Variants in CCDC73 observed in about 807,000 individuals in gnomAD.
CCDC73 encodes coiled-coil domain containing 73, also known as coiled-coil domain-containing protein 73.
In CCDC73, 95 loss-of-function variants were observed where a neutral mutation model predicts 116.5. That is an observed-to-expected ratio of 0.82 (90% CI 0.69 to 0.97). The LOEUF (loss-of-function observed/expected upper bound fraction) is 0.97. CCDC73 is among the 50% of genes least tolerant of loss of function. The pLI is 0.00. For synonymous variants in CCDC73, 398 were observed against 401.3 expected (o/e 0.99, Z 0.10); for missense variants, 1,066 against 1,206.8 (o/e 0.88, Z 1.73).
intron 16 of CCDC73, 42 bp from the exon 17 acceptor site, chr11:32,611,307 T>C (rs758550036): frequency 3.1e-5 from 49 of 1,574,096 alleles, no homozygotes; most frequent in Non-Finnish European, 3.8e-5. Context: ...AATTTTTCTC[T>C]AGGTACTCAT....
chr11:32,790,951 A>G (rs1850669324), intron 1 of CCDC73, among the ~76,000 whole-genome samples: 1 of 152,240 alleles, frequency 6.6e-6, no homozygotes, highest in Admixed American at 6.5e-5. Context: ...ACAACTTTTA[A>G]CTAAACTAAA....
chr11:32,733,405 T>C (rs1850097496), intron 2 of CCDC73, among the ~76,000 whole-genome samples: 2 of 152,190 alleles, frequency 1.3e-5, no homozygotes, highest in Admixed American at 6.5e-5. Flanking sequence ...AACTCAGCTC[T>C]GCACCAAGTG....
intron 9 of CCDC73, among the ~76,000 whole-genome samples, chr11:32,669,267 C>T (rs180786390): frequency 1.1e-4 from 17 of 152,010 alleles, no homozygotes; most frequent in Admixed American, 1.0e-3. Context: ...TTTTCTAGTA[C>T]AGAGTTTAAC....
intron 2 of CCDC73, among the ~76,000 whole-genome samples, chr11:32,719,614 G>A (rs11031949): frequency 0.1 from 15,408 of 152,108 alleles, 1,048 homozygotes; most frequent in Non-Finnish European, 0.15. Context: ...CCCATTATAT[G>A]GGGGAAAAAA....
chr11:32,765,950 CA>C (rs1329692414), intron 1 of CCDC73, among the ~76,000 whole-genome samples: 32 of 152,334 alleles, frequency 2.1e-4, no homozygotes, highest in Admixed American at 2.0e-3. Context: ...CTCCCTAACT[CA>C]TTTTATGAGG....
the CCDC73 span, among the ~76,000 whole-genome samples, chr11:32,809,137 A>T: frequency 8.6e-4 from 131 of 152,362 alleles, no homozygotes; most frequent in African/African-American, 2.9e-3. Flanking sequence ...AATGTAATGC[A>T]AAACTTAAAC....
rs376374238 is a variant in CCDC73 at position 32,711,240 on chromosome 11, TA to T, written c.207+6835del. Among the ~76,000 whole-genome samples the T allele has an allele frequency of 7.1e-3, 1,084 of 152,152 alleles. 17 individuals carry two copies. Among genetic ancestry groups the T allele is most frequent in the African/African-American group, 0.025 (1,045 of 41,500 alleles). ...AATGGAAAATAGTGTGGAGATTCCTTAAAAAACTAAAAGTAGATCTACCATT... is the reference window on the plus strand; with the variant it reads ...AATGGAAAATAGTGTGGAGATTCCTTAAAAACTAAAAGTAGATCTACCATT... On this transcript the variant is annotated intron_variant, in intron 3 of 17. Coordinates refer to ENST00000335185, the MANE Select transcript of CCDC73 (RefSeq NM_001008391.4).
intron 2 of CCDC73, among the ~76,000 whole-genome samples, chr11:32,718,940 T>C (rs539421490): frequency 6.6e-6 from 1 of 152,306 alleles, no homozygotes; most frequent in Non-Finnish European, 1.5e-5. Flanking sequence ...AGACTCAGGT[T>C]CACCTAAGAC....
chr11:32,653,247 T>C lies in CCDC73; in HGVS notation c.835-20A>G, dbSNP rs747826388. 3 of 1,495,954 alleles carry C rather than the reference T, an allele frequency of 2.0e-6. No individual in the cohort carries two copies. Among genetic ancestry groups the C allele is most frequent in the Admixed American group, 1.8e-5 (1 of 56,742 alleles). 92.7% of individuals were successfully genotyped at this position (1,495,954 alleles called of 1,614,324 possible). A position where few individuals can be genotyped will look rare whatever the true frequency, so the allele number is the denominator to read the frequency against. On this transcript the variant is annotated intron_variant, in intron 11 of 17. Transcript: ENST00000335185. ...GATATCCTTTGAAAATACACAAATA[T>C]ATCAATTTAAAAGTTTTAAGATAGG...
chr11:32,670,889 A>G (rs1425755970), intron 9 of CCDC73, among the ~76,000 whole-genome samples: 1 of 152,202 alleles, frequency 6.6e-6, no homozygotes, highest in Non-Finnish European at 1.5e-5. Context: ...GACTGACAAA[A>G]GTAAAAACTA....
At chr11:32,701,944 T>A (rs563582002) in intron 4 of CCDC73, among the ~76,000 whole-genome samples, 61 of 152,314 alleles carry the variant, frequency 4.0e-4, no homozygotes, top group Admixed American at 3.7e-3. Context: ...ACCCTTCAGA[T>A]ATCTGAGTAT....
At position 32,607,738 on chromosome 11, in the gene CCDC73, G is replaced by A. The variant is rs1039698134; in HGVS notation, c.3030+3394C>T. Among the ~76,000 whole-genome samples, 3 of 152,068 alleles carry A rather than the reference G, an allele frequency of 2.0e-5. No individual in the cohort carries two copies. In the South Asian group the frequency reaches 6.2e-4, roughly 32 times the overall value. On this transcript the variant is annotated intron_variant, in intron 17 of 17. Transcript: ENST00000335185. Reference sequence around the variant, plus strand: ...AAGTGGAAACTATACTGTTGCTTATGAGCTCAATTAGGAAAGAGTGAAAAG... The same window carrying A: ...AAGTGGAAACTATACTGTTGCTTATAAGCTCAATTAGGAAAGAGTGAAAAG...
chr11:32,774,170 C>T (rs891349094), intron 1 of CCDC73, among the ~76,000 whole-genome samples: 1 of 152,168 alleles, frequency 6.6e-6, no homozygotes, highest in African/African-American at 2.4e-5. Context: ...ACACAAACTT[C>T]TCATCTTCTG....
intron 9 of CCDC73, among the ~76,000 whole-genome samples, chr11:32,672,075 G>A (rs762241307): frequency 3.9e-5 from 6 of 152,168 alleles, no homozygotes; most frequent in Non-Finnish European, 8.8e-5. Context: ...GGCAGGCCAG[G>A]CATGGTGACT....
At chr11:32,703,894 T>C (rs1849833450) in intron 3 of CCDC73, among the ~76,000 whole-genome samples, 1 of 152,256 alleles carries the variant, frequency 6.6e-6, no homozygotes, top group South Asian at 2.1e-4. Context: ...AAATTAAGTC[T>C]AAAAGTGGCA....
At chr11:32,778,124 A>G (rs181793557) in intron 1 of CCDC73, among the ~76,000 whole-genome samples, 1 of 152,342 alleles carries the variant, frequency 6.6e-6, no homozygotes, top group East Asian at 1.9e-4. Flanking sequence ...TCATATTATT[A>G]TGAAATAAAT....
At chr11:32,716,060 A>C (rs1446780214) in intron 3 of CCDC73, among the ~76,000 whole-genome samples, 1 of 152,120 alleles carries the variant, frequency 6.6e-6, no homozygotes, top group African/African-American at 2.4e-5. Context: ...TGAAATACTA[A>C]GACTCTGTAA....
chr11:32,758,142 T>C (rs1033871042), intron 2 of CCDC73: 9 of 175,848 alleles, frequency 5.1e-5, no homozygotes, highest in Non-Finnish European at 7.4e-5. Context: ...AGGGATTTTT[T>C]CCCCTTTTTA....
the CCDC73 span, among the ~76,000 whole-genome samples, chr11:32,827,610 G>A: frequency 6.6e-6 from 1 of 152,194 alleles, no homozygotes; most frequent in African/African-American, 2.4e-5. Context: ...CCCCAAAGTA[G>A]TGGGAAATGA....
Sources: allele counts gnomAD v4.1 joint callset (sites outside exome capture counted in the v4.1 genomes callset), GRCh38; gene constraint gnomAD v4.1.1; transcripts MANE v1.5; gene names NCBI Gene and HGNC (gene_info 2026-07-23, HGNC 2026-07-21).